GCA: variants seen among roughly 807,000 people sequenced by gnomAD.
The protein encoded by GCA is grancalcin, EF-hand calcium-binding protein.
GCA carries 30 observed loss-of-function variants against 32.6 expected under a neutral mutation model. The observed-to-expected ratio is 0.92, with a 90% confidence interval of 0.69 to 1.25. The LOEUF is 1.25. Ranked by LOEUF, GCA falls within the 50% of genes most tolerant of loss-of-function variation. The pLI is 0.00. For synonymous variants in GCA, 102 were observed against 84.6 expected, an observed-to-expected ratio of 1.21 and a Z score of -1.13; for missense variants, 291 against 266.8, an observed-to-expected ratio of 1.09 and a Z score of -0.63.
At position 162,361,199 on chromosome 2, in the gene GCA, G is replaced by C; in HGVS notation, c.*956G>C. ...GGCTTTGCCATTAAAAACCCAGTAA[G>C]TATTTTGAGTGCATCTATGTGATGT... On this transcript the variant is annotated 3_prime_UTR_variant, in exon 8 of 8. Coordinates refer to ENST00000437150, the MANE Select transcript of GCA (RefSeq NM_012198.5). 1.0e-6 allele frequency: 1 copy of C among 984,890 alleles called. No individual in the cohort carries two copies. Among genetic ancestry groups the C allele is most frequent in the Non-Finnish European group, 1.2e-6 (1 of 829,616 alleles). 61.0% of individuals were successfully genotyped at this position (984,890 alleles called of 1,614,324 possible).
intron 1 of GCA, chr2:162,346,648 G>T (rs1393442509): frequency 6.6e-6 from 1 of 152,160 alleles, no homozygotes; most frequent in Non-Finnish European, 1.5e-5. Flanking sequence ...AGGAGAACTG[G>T]GGCCCCTGGC....
chr2:162,319,295 A>T (rs753486648), intron 1 of GCA: 56 of 455,240 alleles, frequency 1.2e-4, no homozygotes, highest in Admixed American at 3.8e-4. Flanking sequence ...GCTGGTATTT[A>T]TGCAGCTTTG....
chr2:162,352,676 A>AT (rs1016202877), intron 3 of GCA, among the ~76,000 whole-genome samples: 9 of 151,960 alleles, frequency 5.9e-5, no homozygotes, highest in African/African-American at 2.2e-4. Context: ...AAGATAGAAT[A>AT]TTTTTTTCAC....
Position 162,360,917 on chromosome 2 carries a change from A to G in GCA, c.*674A>G, listed in dbSNP as rs535612756. ...TCTCTAAGCAAAAAGTTCTTAATAA[A>G]CATAGTATTTCTCTCTGCGTCCTAT... On this transcript the variant is annotated 3_prime_UTR_variant, in exon 8 of 8. Transcript: ENST00000437150. The G allele has an allele frequency of 3.0e-5, 34 of 1,152,442 alleles. No homozygotes were observed. The Admixed American group carries it at 1.1e-3, about 38-fold the overall frequency. 71.4% of individuals were successfully genotyped at this position (1,152,442 alleles called of 1,614,324 possible).
Position 162,345,398 on chromosome 2 carries a change from C to T in GCA, c.27+1123C>T, listed in dbSNP as rs993197443. Among the ~76,000 whole-genome samples the T allele has an allele frequency of 2.0e-5, 3 of 152,192 alleles. No homozygotes were observed. The South Asian group carries it at 6.2e-4, about 32-fold the overall frequency. ...TCTTTAAAAACGTCCCTAGCGTATACGTATTTTCATTTGGTTGAAGCTATC... is the reference window on the plus strand; with the variant it reads ...TCTTTAAAAACGTCCCTAGCGTATATGTATTTTCATTTGGTTGAAGCTATC... On this transcript the variant is annotated intron_variant, in intron 1 of 7. Coordinates refer to ENST00000437150, the MANE Select transcript of GCA (RefSeq NM_012198.5).
chr2:162,342,865 G>A (rs1684496676), upstream of GCA, among the ~76,000 whole-genome samples: 1 of 152,194 alleles, frequency 6.6e-6, no homozygotes, highest in Non-Finnish European at 1.5e-5. Context: ...ACCTTCATAA[G>A]CCATGCATTT....
intron 6 of GCA, 72 bp from the exon 7 acceptor site, chr2:162,359,422 T>TGC (rs1685459119): frequency 1.5e-6 from 1 of 685,838 alleles, no homozygotes; most frequent in Non-Finnish European, 2.5e-6. Context: ...TCTTTTTGTG[T>TGC]ACCTGGGTGC....
intron 2 of GCA, among the ~76,000 whole-genome samples, chr2:162,348,107 T>A (rs1684802823): frequency 6.6e-6 from 1 of 152,164 alleles, no homozygotes; most frequent in African/African-American, 2.4e-5. Flanking sequence ...GAGTTATAAT[T>A]TTTCTGTCAC....
downstream of GCA, chr2:162,373,485 G>C (rs199645364): frequency 2.6e-6 from 4 of 1,542,788 alleles, no homozygotes; most frequent in Non-Finnish European, 3.5e-6. Flanking sequence ...AGGAAGGGCT[G>C]AAACTTCGGT....
rs138561370 is a variant in GCA at position 162,361,237 on chromosome 2, A to G, written c.*994A>G. 2.0e-4 allele frequency: 192 copies of G among 984,480 alleles called. No homozygotes were observed. In the African/African-American group the frequency reaches 2.9e-3, roughly 15 times the overall value. The allele number at this position is 984,480 out of a possible 1,614,324, so 61.0% of individuals were successfully genotyped here. A position where few individuals can be genotyped will look rare whatever the true frequency, so the allele number is the denominator to read the frequency against. On this transcript the variant is annotated 3_prime_UTR_variant, in exon 8 of 8. Coordinates refer to ENST00000437150, the MANE Select transcript of GCA (RefSeq NM_012198.5). ...ATCTATGTGATGTGGTGTTTTGAGC[A>G]TAGTAGGCACCACAGCAACTTTTCT...
intron 1 of GCA, among the ~76,000 whole-genome samples, chr2:162,323,979 A>T (rs1450215742): frequency 6.6e-6 from 1 of 152,012 alleles, no homozygotes; most frequent in Non-Finnish European, 1.5e-5. Flanking sequence ...GATGGCATTG[A>T]ATCTGTAAAT....
chr2:162,359,366 G>T (rs566400057), intron 6 of GCA, 128 bp from the exon 7 acceptor site: 19 of 591,720 alleles, frequency 3.2e-5, no homozygotes, highest in Non-Finnish European at 5.7e-5. Context: ...TATCTCTGTT[G>T]CCAGGGCTAT....
rs914901038 is a variant in GCA at position 162,344,147 on chromosome 2, C to T, written c.-102C>T. 1.9e-5 allele frequency: 24 copies of T among 1,284,242 alleles called. No individual in the cohort carries two copies. The highest frequency in any genetic ancestry group is 2.6e-5 in the Non-Finnish European group (23 of 888,382). The allele number at this position is 1,284,242 out of a possible 1,614,324, so 79.6% of individuals were successfully genotyped here. A position where few individuals can be genotyped will look rare whatever the true frequency, so the allele number is the denominator to read the frequency against. Reference sequence around the variant, plus strand: ...CTGTGCGGTTAGTGCGCCTTTCAGCCTCACCTGCAGCTGCGCCTCCTTGCA... The same window carrying T: ...CTGTGCGGTTAGTGCGCCTTTCAGCTTCACCTGCAGCTGCGCCTCCTTGCA... On this transcript the variant is annotated 5_prime_UTR_variant, in exon 1 of 8. Coordinates refer to ENST00000437150, the MANE Select transcript of GCA (RefSeq NM_012198.5).
upstream of GCA, among the ~76,000 whole-genome samples, chr2:162,341,940 C>G (rs1461353130): frequency 1.3e-5 from 2 of 152,128 alleles, no homozygotes; most frequent in African/African-American, 4.8e-5. Context: ...CTTCACAACA[C>G]ACAATGCCTA....
intron 1 of GCA, among the ~76,000 whole-genome samples, chr2:162,345,588 A>G (rs1684661371): frequency 6.6e-6 from 1 of 152,198 alleles, no homozygotes. Context: ...CGACACAATA[A>G]AGAGAACGTC....
At chr2:162,325,675 T>A (rs1187114013) in intron 1 of GCA, among the ~76,000 whole-genome samples, 3 of 152,152 alleles carry the variant, frequency 2.0e-5, no homozygotes, top group African/African-American at 7.2e-5. Context: ...GTTTGCCCCC[T>A]TCCCTGACAC....
chr2:162,337,748 G>A (rs1684316266), intron 1 of GCA, among the ~76,000 whole-genome samples: 1 of 151,990 alleles, frequency 6.6e-6, no homozygotes, highest in Non-Finnish European at 1.5e-5. Context: ...TTTTACTTCA[G>A]TTCCTAATTT....
intron 1 of GCA, among the ~76,000 whole-genome samples, chr2:162,344,900 T>G (rs915269830): frequency 7.0e-6 from 1 of 143,604 alleles, no homozygotes; most frequent in African/African-American, 2.6e-5. Context: ...TTAGTATCGA[T>G]GTCAGTGATC....
chr2:162,374,712 T>C (rs138086603), downstream of GCA, among the ~76,000 whole-genome samples: 245 of 152,208 alleles, frequency 1.6e-3, 1 homozygote, highest in African/African-American at 5.3e-3. Context: ...GAAAATATCT[T>C]CTTTTTTTTT....
Sources: gnomAD v4.1 joint callset for allele counts (sites outside exome capture counted in the v4.1 genomes callset) on GRCh38, gnomAD v4.1.1 for gene constraint, MANE v1.5 for transcripts, NCBI Gene and HGNC (gene_info 2026-07-23, HGNC 2026-07-21) for gene names.